The following EYS variants were observed in gnomAD, a reference collection of about 807,000 sequenced individuals.
EYS encodes the protein protein eyes shut homolog.
A neutral mutation model predicts 282.1 loss-of-function variants in EYS; 250 were observed. The ratio of observed to expected loss-of-function variants is 0.89; its 90% CI spans 0.80 to 0.98. The LOEUF is 0.98. EYS is among the 50% of genes least tolerant of loss of function. EYS has a pLI of 0.00. For missense variants in EYS, 4,016 were observed against 3,709.0 expected, an observed-to-expected ratio of 1.08 and a Z score of -2.15; for synonymous variants, 1,355 against 1,282.9, an observed-to-expected ratio of 1.06 and a Z score of -1.20.
chr6:64,674,032 C>CA (rs1252266405), intron 22 of EYS, among the ~76,000 whole-genome samples: 1 of 151,838 alleles, frequency 6.6e-6, no homozygotes, highest in Non-Finnish European at 1.5e-5. Flanking sequence ...CTTGAAAAAC[C>CA]AAAAAACTTA....
At chr6:64,376,924 C>T (rs958150029) in intron 29 of EYS, among the ~76,000 whole-genome samples, 20 of 152,108 alleles carry the variant, frequency 1.3e-4, no homozygotes, top group Admixed American at 9.2e-4. Flanking sequence ...CTTGACTACA[C>T]CCACTACCTC....
intron 5 of EYS, among the ~76,000 whole-genome samples, chr6:65,480,663 T>A (rs191289834): frequency 9.6e-4 from 146 of 152,268 alleles, no homozygotes; most frequent in African/African-American, 3.4e-3. Context: ...AACCCCCATA[T>A]TTATTATAGC....
At chr6:64,079,837 C>T (rs1771901921) in intron 32 of EYS, among the ~76,000 whole-genome samples, 1 of 152,058 alleles carries the variant, frequency 6.6e-6, no homozygotes, top group African/African-American at 2.4e-5. Flanking sequence ...TTTGTCCTTG[C>T]CATAGTTTGC....
intron 2 of EYS, among the ~76,000 whole-genome samples, chr6:65,614,506 A>G (rs1766115114): frequency 6.6e-6 from 1 of 152,110 alleles, no homozygotes. Context: ...ATGTAGTCCA[A>G]TGAATGTCAT....
intron 31 of EYS, among the ~76,000 whole-genome samples, chr6:64,178,337 A>G (rs1764693976): frequency 6.6e-6 from 1 of 152,100 alleles, no homozygotes; most frequent in African/African-American, 2.4e-5. Context: ...TAACTGTACC[A>G]GGCCCTTTCC....
intron 26 of EYS, among the ~76,000 whole-genome samples, chr6:64,532,806 A>G (rs1001247265): frequency 1.3e-5 from 2 of 152,152 alleles, no homozygotes; most frequent in African/African-American, 2.4e-5. Context: ...CGTTCAACAT[A>G]TAATAAAAAA....
At chr6:64,493,593 T>G (rs1345345597) in intron 26 of EYS, among the ~76,000 whole-genome samples, 1 of 151,624 alleles carries the variant, frequency 6.6e-6, no homozygotes, top group African/African-American at 2.4e-5. Flanking sequence ...TTTCTAAGAA[T>G]GTTCTCCTCC....
intron 2 of EYS, among the ~76,000 whole-genome samples, chr6:65,637,960 C>T (rs147884281): frequency 3.3e-5 from 5 of 152,326 alleles, no homozygotes; most frequent in East Asian, 3.9e-4. Context: ...CAGGTGAAAC[C>T]CCACCTTCAA....
chr6:65,333,420 T>C (rs1436806904), intron 11 of EYS, among the ~76,000 whole-genome samples: 1 of 151,752 alleles, frequency 6.6e-6, no homozygotes, highest in African/African-American at 2.4e-5. Context: ...TTCAATTTTT[T>C]GAAATATATT....
intron 5 of EYS, among the ~76,000 whole-genome samples, chr6:65,475,735 T>TGACA (rs752123081): frequency 1.3e-4 from 20 of 150,188 alleles, no homozygotes; most frequent in African/African-American, 2.7e-4. Context: ...TTGTACCCCC[T>TGACA]GACAGACAGA....
intron 5 of EYS, among the ~76,000 whole-genome samples, chr6:65,422,067 C>A (rs1767487258): frequency 6.6e-6 from 1 of 151,886 alleles, no homozygotes; most frequent in African/African-American, 2.4e-5. Flanking sequence ...TCAGGATTGC[C>A]ACAAACTTTC....
intron 12 of EYS, among the ~76,000 whole-genome samples, chr6:65,184,236 C>T (rs1025343654): frequency 3.3e-5 from 5 of 151,800 alleles, no homozygotes; most frequent in African/African-American, 9.7e-5. Flanking sequence ...GTTCTGGAGG[C>T]TGGGAACTCC....
chr6:65,606,142 C>CAGAGAATAAGAAATAT (rs1373104208), intron 2 of EYS, among the ~76,000 whole-genome samples: 2 of 151,474 alleles, frequency 1.3e-5, no homozygotes, highest in Non-Finnish European at 3.0e-5. Flanking sequence ...CTAGGAAACA[C>CAGAGAATAAGAAATAT]AGAGAATAAG....
intron 24 of EYS, among the ~76,000 whole-genome samples, chr6:64,594,218 T>C (rs1033455189): frequency 3.3e-5 from 5 of 152,260 alleles, no homozygotes; most frequent in Middle Eastern, 3.4e-3. Flanking sequence ...TGATTCCTAA[T>C]GTTAGATAAT....
At chr6:64,502,999 C>T (rs993996575) in intron 26 of EYS, among the ~76,000 whole-genome samples, 1 of 152,186 alleles carries the variant, frequency 6.6e-6, no homozygotes, top group Non-Finnish European at 1.5e-5. Flanking sequence ...CTTCCTTCCT[C>T]TTGCCAAATA....
chr6:65,222,962 C>T (rs978564626), intron 12 of EYS, among the ~76,000 whole-genome samples: 2 of 152,088 alleles, frequency 1.3e-5, no homozygotes, highest in South Asian at 2.1e-4. Flanking sequence ...CAGCAACTCA[C>T]AACAGAACAG....
At chr6:65,178,037 G>A (rs1581985635) in intron 12 of EYS, among the ~76,000 whole-genome samples, 1 of 151,874 alleles carries the variant, frequency 6.6e-6, no homozygotes, top group African/African-American at 2.4e-5. Context: ...TGCAGAAACA[G>A]ACAAATGGGT....
intron 15 of EYS, among the ~76,000 whole-genome samples, chr6:64,927,927 C>T (rs976263373): frequency 6.6e-6 from 1 of 151,902 alleles, no homozygotes; most frequent in East Asian, 1.9e-4. Flanking sequence ...GGAAAATTTT[C>T]AAAAGCCCAA....
intron 5 of EYS, among the ~76,000 whole-genome samples, chr6:65,483,297 C>A (rs534569082): frequency 3.2e-4 from 49 of 151,744 alleles, no homozygotes; most frequent in Middle Eastern, 3.4e-3. Flanking sequence ...GATTGGCATG[C>A]TCTACACCAT....
Sources: allele counts gnomAD v4.1 joint callset (sites outside exome capture counted in the v4.1 genomes callset), GRCh38; gene constraint gnomAD v4.1.1; transcripts MANE v1.5; gene names NCBI Gene and HGNC (gene_info 2026-07-23, HGNC 2026-07-21).